The following TRIM2 variants were observed in gnomAD, a reference collection of about 807,000 sequenced individuals.
TRIM2 encodes tripartite motif containing 2.
In TRIM2, 20 loss-of-function variants were observed where a neutral mutation model predicts 75.2. The observed-to-expected ratio is 0.27, with a 90% CI of 0.19 to 0.39. TRIM2 has a LOEUF of 0.39. Ranked by LOEUF, TRIM2 falls within the 10% of genes least tolerant of loss-of-function variation. The probability of loss-of-function intolerance (pLI) is 1.00; values close to 1 mark genes in which losing one functional copy is unlikely to be tolerated. For synonymous variants in TRIM2, 373 were observed against 388.3 expected, an observed-to-expected ratio of 0.96 and a Z score of 0.46; for missense variants, 660 against 990.8, an observed-to-expected ratio of 0.67 and a Z score of 4.48.
At chr4:153,244,083 G>C (rs1261913163) in intron 1 of TRIM2, among the ~76,000 whole-genome samples, 2 of 151,584 alleles carry the variant, frequency 1.3e-5, no homozygotes, top group Non-Finnish European at 2.9e-5. Context: ...GCCTCCCAAA[G>C]TGCTGGGATT....
intron 2 of TRIM2, among the ~76,000 whole-genome samples, chr4:153,274,936 G>A (rs931180389): frequency 2.0e-5 from 3 of 152,224 alleles, no homozygotes; most frequent in Non-Finnish European, 2.9e-5. Context: ...ATCAGTGAAT[G>A]TCTCTGATGT....
At chr4:153,252,393 T>C (rs932972947) in intron 1 of TRIM2, among the ~76,000 whole-genome samples, 1 of 152,228 alleles carries the variant, frequency 6.6e-6, no homozygotes, top group Non-Finnish European at 1.5e-5. Flanking sequence ...TATTACATTA[T>C]GGTTACTCCA....
Position 153,332,652 on chromosome 4 carries a change from A to T in TRIM2, c.2164-2162A>T, listed in dbSNP as rs188797852. Among the ~76,000 whole-genome samples, 736 of 152,260 alleles carry T rather than the reference A, an allele frequency of 4.8e-3. 5 individuals are homozygous for T. The highest frequency in any genetic ancestry group is 0.017 in the African/African-American group (692 of 41,556). ...AAGAGTGAAATTTCGTCTCAAAAAA[A>T]AAAAAAGAAAAACGAGCAAAAGGCA... On this transcript the variant is annotated intron_variant, in intron 11 of 11. Coordinates refer to ENST00000338700, the MANE Select transcript of TRIM2 (RefSeq NM_015271.5).
At chr4:153,269,830 C>T (rs1756192303) in intron 1 of TRIM2, among the ~76,000 whole-genome samples, 1 of 152,302 alleles carries the variant, frequency 6.6e-6, no homozygotes, top group East Asian at 1.9e-4. Flanking sequence ...AAATAAACAA[C>T]AGGGAGCTGA....
At chr4:153,197,170 T>A (rs971060325) in intron 1 of TRIM2, among the ~76,000 whole-genome samples, 2 of 152,196 alleles carry the variant, frequency 1.3e-5, no homozygotes, top group Non-Finnish European at 2.9e-5. Context: ...ATGAAGAAAT[T>A]ATGTAGAATA....
chr4:153,315,929 G>C lies in TRIM2; in HGVS notation c.1712G>C (p.Ser571Thr). 6.2e-7 allele frequency: 1 copy of C among 1,611,196 alleles called. No individual in the cohort carries two copies. The highest frequency in any genetic ancestry group is 8.5e-7 in the Non-Finnish European group (1 of 1,179,312). Reference sequence around the variant, plus strand: ...CCCACAGGAGTGGCTGTACATCCCAGTGGGGACATAATCATTGCCGATTAT... The same window carrying C: ...CCCACAGGAGTGGCTGTACATCCCACTGGGGACATAATCATTGCCGATTAT... The part of the protein sequence containing the change: ...QRPTGVAVHP[S>T]GDIIIADYDN... The change falls in exon 8 of 12, where the codon AGT becomes ACT. Residue 571 changes from serine to threonine, a missense_variant. By Grantham distance (58) the Ser-to-Thr change is moderately conservative (BLOSUM62 1). Coordinates refer to ENST00000338700, the MANE Select transcript of TRIM2 (RefSeq NM_015271.5).
chr4:153,277,639 C>T (rs988174491), intron 3 of TRIM2, among the ~76,000 whole-genome samples: 1 of 152,284 alleles, frequency 6.6e-6, no homozygotes, highest in South Asian at 2.1e-4. Flanking sequence ...GATGAAGAAA[C>T]TGAGGCTGAA....
At chr4:153,170,779 C>G (rs1730772585) in intron 1 of TRIM2, among the ~76,000 whole-genome samples, 1 of 152,132 alleles carries the variant, frequency 6.6e-6, no homozygotes, top group Non-Finnish European at 1.5e-5. Context: ...GCTCATCAAG[C>G]CCTTCACCCT....
intron 1 of TRIM2, among the ~76,000 whole-genome samples, chr4:153,245,042 C>T (rs1320880044): frequency 6.6e-6 from 1 of 152,120 alleles, no homozygotes; most frequent in Non-Finnish European, 1.5e-5. Context: ...GGCTTGTGAC[C>T]CTCTGAGATG....
rs1187576894 is a variant in TRIM2, at chr4:153,166,553, C to CT, written c.-49+13292dup. On this transcript the variant is annotated intron_variant, in intron 1 of 11. Transcript: ENST00000437508. The stretch of plus-strand genomic sequence containing the variant: ...TCCTTCCTTTTCTCTCTCTCTCTTT[C>CT]TTTTTTTTTGGAGATGAGGTCTCAC... Among the ~76,000 whole-genome samples, 20 of 133,834 alleles carry CT rather than the reference C, an allele frequency of 1.5e-4. No individual in the cohort carries two copies. In the South Asian group the frequency reaches 1.7e-3, roughly 12 times the overall value. 87.8% of individuals were successfully genotyped at this position (133,834 alleles called of 152,430 possible).
At chr4:153,272,227 C>A (rs980979182) in intron 2 of TRIM2, among the ~76,000 whole-genome samples, 1 of 152,028 alleles carries the variant, frequency 6.6e-6, no homozygotes, top group African/African-American at 2.4e-5. Flanking sequence ...CAGCTCACTG[C>A]AAGCTCTGCC....
chr4:153,314,908 C>T (rs897395887), intron 6 of TRIM2, among the ~76,000 whole-genome samples: 1 of 152,102 alleles, frequency 6.6e-6, no homozygotes, highest in Non-Finnish European at 1.5e-5. Flanking sequence ...TAAAATAAGG[C>T]CCTTTCCTGT....
intron 2 of TRIM2, among the ~76,000 whole-genome samples, chr4:153,273,442 A>ATTTTTTTTTTT (rs11459214): frequency 1.9e-3 from 144 of 77,618 alleles, no homozygotes; most frequent in African/African-American, 4.6e-3. Context: ...CGCCCGGCTA[A>ATTTTTTTTTTT]TTTTTTTTTT....
rs1326480037 is a variant in TRIM2 at position 153,335,136 on chromosome 4, T to C, written c.*170T>C. On this transcript the variant is annotated 3_prime_UTR_variant, in exon 12 of 12. Transcript: ENST00000338700. Reference sequence around the variant, plus strand: ...TTTCCTTAAAAATGACTTATCCAATTTCTGTATTTCACCTTTAGGGTTAAA... The same window carrying C: ...TTTCCTTAAAAATGACTTATCCAATCTCTGTATTTCACCTTTAGGGTTAAA... 17 of 1,287,824 alleles carry C rather than the reference T, an allele frequency of 1.3e-5. No individual in the cohort carries two copies. The highest frequency in any genetic ancestry group is 1.6e-5 in the Non-Finnish European group (16 of 1,015,212). 79.8% of individuals were successfully genotyped at this position (1,287,824 alleles called of 1,614,324 possible).
intron 1 of TRIM2, among the ~76,000 whole-genome samples, chr4:153,211,940 G>T (rs1737142015): frequency 2.0e-5 from 3 of 152,150 alleles, no homozygotes; most frequent in African/African-American, 7.2e-5. Flanking sequence ...AAGATGGTTT[G>T]TTACTGCACA....
At chr4:153,311,988 A>T (rs1012009451) in intron 6 of TRIM2, among the ~76,000 whole-genome samples, 1 of 151,604 alleles carries the variant, frequency 6.6e-6, no homozygotes, top group Non-Finnish European at 1.5e-5. Flanking sequence ...ATATGTATAC[A>T]TGTGCATGCT....
intron 1 of TRIM2, among the ~76,000 whole-genome samples, chr4:153,263,120 C>G (rs1378692687): frequency 1.3e-5 from 2 of 152,048 alleles, no homozygotes; most frequent in East Asian, 3.9e-4. Flanking sequence ...CACTTGAGCC[C>G]AAGAGTCCGA....
chr4:153,191,965 G>A (rs180941946), intron 1 of TRIM2, among the ~76,000 whole-genome samples: 2 of 152,278 alleles, frequency 1.3e-5, no homozygotes, highest in Admixed American at 1.3e-4. Flanking sequence ...TCAGTTCCTA[G>A]CATGTCCCCT....
intron 1 of TRIM2, among the ~76,000 whole-genome samples, chr4:153,243,855 C>A (rs957806066): frequency 7.1e-6 from 1 of 140,856 alleles, no homozygotes; most frequent in African/African-American, 2.6e-5. Context: ...CATTCTATTG[C>A]CCAGACTGGA....
Sources: gnomAD v4.1 joint callset for allele counts (sites outside exome capture counted in the v4.1 genomes callset) on GRCh38, gnomAD v4.1.1 for gene constraint, MANE v1.5 for transcripts, NCBI Gene and HGNC (gene_info 2026-07-23, HGNC 2026-07-21) for gene names.